The following GALK2 variants were observed in gnomAD, a reference collection of about 807,000 sequenced individuals.
The protein encoded by GALK2 is galactokinase 2.
GALK2 carries 36 observed loss-of-function variants against 52.4 expected under a neutral mutation model. The observed-to-expected ratio is 0.69, with a 90% CI of 0.53 to 0.91. The LOEUF (loss-of-function observed/expected upper bound fraction) is 0.91. Among genes scored for constraint, GALK2 ranks in the 40% least tolerant of loss-of-function variants. GALK2 has a pLI of 0.00. For missense variants in GALK2, 579 were observed against 559.1 expected (o/e 1.04, Z -0.36); for synonymous variants, 176 against 199.1 (o/e 0.88, Z 0.98).
chr15:49,367,589 C>G, exon 4 of GALK2: 1 of 1,596,252 alleles, frequency 6.3e-7, no homozygotes, highest in Non-Finnish European at 8.5e-7. Flanking sequence ...AAACTCTGGA[C>G]CAGTACTACT....
chr15:49,362,369 G>GT (rs2044389023), intron 3 of GALK2, among the ~76,000 whole-genome samples: 1 of 152,144 alleles, frequency 6.6e-6, no homozygotes, highest in Non-Finnish European at 1.5e-5. Context: ...TGCTGTGATT[G>GT]TAAGTTTCCT....
intron 2 of GALK2, among the ~76,000 whole-genome samples, chr15:49,208,086 C>T (rs754886974): frequency 5.9e-5 from 9 of 152,140 alleles, no homozygotes; most frequent in Non-Finnish European, 7.4e-5. Flanking sequence ...TTTATCTTTT[C>T]AAAGACCCAT....
At chr15:49,228,185 A>G (rs548021065) in intron 3 of GALK2, among the ~76,000 whole-genome samples, 1 of 152,234 alleles carries the variant, frequency 6.6e-6, no homozygotes, top group Admixed American at 6.5e-5. Flanking sequence ...CTTTGCTATA[A>G]TGTGCCATGG....
chr15:49,174,200 C>A (rs532743881), intron 1 of GALK2, among the ~76,000 whole-genome samples: 47 of 152,204 alleles, frequency 3.1e-4, no homozygotes, highest in African/African-American at 1.1e-3. Flanking sequence ...TATATATATT[C>A]TCTGAGCATT....
At chr15:49,352,285 CA>C in intron 3 of GALK2, among the ~76,000 whole-genome samples, 1 of 152,322 alleles carries the variant, frequency 6.6e-6, no homozygotes, top group Non-Finnish European at 1.5e-5. Flanking sequence ...TGAGGAATTA[CA>C]AAAGACTGTT....
chr15:49,283,504 A>G, intron 6 of GALK2, 62 bp from the exon 7 acceptor site: 1 of 1,400,752 alleles, frequency 7.1e-7, no homozygotes, highest in East Asian at 2.3e-5. Context: ...AAATACATAA[A>G]CACTTGAACA....
chr15:49,281,578 T>G (rs536883788), intron 5 of GALK2, among the ~76,000 whole-genome samples: 10 of 152,150 alleles, frequency 6.6e-5, no homozygotes, highest in Non-Finnish European at 1.3e-4. Context: ...GACCCCACTT[T>G]GGTTATGGGT....
At position 49,292,360 on chromosome 15, in the gene GALK2, A is replaced by G. The variant is rs1485117351; in HGVS notation, c.790A>G (p.Lys264Glu). The G allele has an allele frequency of 3.1e-6, 5 of 1,614,128 alleles. No homozygotes were observed. The highest frequency in any genetic ancestry group is 4.2e-6 in the Non-Finnish European group (5 of 1,179,982). Residue 264 changes from lysine (K) to glutamate (E), a missense_variant, in exon 8 of 10, where the codon AAA becomes GAA. Transcript: ENST00000560031. ...TAAATACAAAAGCTTGCAATGGGAC[A>G]AAGTACTGAGGCTGGAGGAGGTGCA... ...LAKYKSLQWD[K>E]VLRLEEVQAK...
rs2030549372 is a variant in GALK2 at position 49,271,277 on chromosome 15, C to G, written c.505-10710C>G. ...GGCTCCTGCCTCCTGTTGGCTTTCC[C>G]CAACAACTTTTTTTTAGGCAGTTTT... On this transcript the variant is annotated intron_variant, in intron 5 of 9. Transcript: ENST00000560031. 3.9e-5 allele frequency among the ~76,000 whole-genome samples: 6 copies of G among 152,256 alleles called. No individual in the cohort carries two copies. In the South Asian group the frequency reaches 1.2e-3, roughly 32 times the overall value.
intron 4 of GALK2, 87 bp downstream of exon 4, chr15:49,236,028 T>A: frequency 1.2e-6 from 1 of 839,974 alleles, no homozygotes; most frequent in South Asian, 1.5e-5. Flanking sequence ...ATCTTTTTCA[T>A]CTCCTTACAG....
intron 3 of GALK2, among the ~76,000 whole-genome samples, chr15:49,232,400 T>G (rs892439587): frequency 4.6e-5 from 7 of 152,214 alleles, no homozygotes; most frequent in African/African-American, 1.7e-4. Flanking sequence ...TAGACCTACA[T>G]GCCTGTGATG....
At chr15:49,303,475 TG>T (rs772797975) in intron 8 of GALK2, among the ~76,000 whole-genome samples, 2 of 152,228 alleles carry the variant, frequency 1.3e-5, no homozygotes, top group Non-Finnish European at 2.9e-5. Context: ...ACCATGGTTC[TG>T]GCTTCTGAGG....
At chr15:49,298,196 G>A (rs573744615) in intron 8 of GALK2, among the ~76,000 whole-genome samples, 9 of 152,102 alleles carry the variant, frequency 5.9e-5, no homozygotes, top group Non-Finnish European at 4.4e-5. Flanking sequence ...ATGGTATTGT[G>A]TTTTTGATTT....
chr15:49,163,702 C>T (rs2084728231), intron 1 of GALK2, among the ~76,000 whole-genome samples: 1 of 152,142 alleles, frequency 6.6e-6, no homozygotes. Flanking sequence ...CCTTGTATTA[C>T]AATTATTTCC....
At chr15:49,293,091 A>G (rs916478195) in intron 8 of GALK2, among the ~76,000 whole-genome samples, 1 of 152,196 alleles carries the variant, frequency 6.6e-6, no homozygotes, top group African/African-American at 2.4e-5. Flanking sequence ...ACTAGAGGTT[A>G]TCTATTTGTG....
chr15:49,299,709 G>GCTTGCTTTCTTTCTTTCTTTCTTTCTTT lies in GALK2; in HGVS notation c.967+7175_967+7176insGCTTTCTTTCTTTCTTTCTTTCTTTCTT, dbSNP rs2034799400. ...GGTTTTGAGAGATCTTCTTGGTATT[G>GCTTGCTTTCTTTCTTTCTTTCTTTCTTT]CTTTCTTTCTTTCTTTCTTTCTTTC... On this transcript the variant is annotated intron_variant, in intron 8 of 9. Transcript: ENST00000560031. 4.7e-4 allele frequency among the ~76,000 whole-genome samples: 40 copies of GCTTGCTTTCTTTCTTTCTTTCTTTCTTT among 85,240 alleles called. No homozygotes were observed. In the South Asian group the frequency reaches 7.1e-3, roughly 15 times the overall value. 55.9% of individuals were successfully genotyped at this position (85,240 alleles called of 152,430 possible). A position where few individuals can be genotyped will look rare whatever the true frequency, so the allele number is the denominator to read the frequency against.
rs1232628171 is a variant in GALK2 at position 49,292,459 on chromosome 15, C to A, written c.889C>A (p.Pro297Thr). The A allele has an allele frequency of 3.1e-6, 5 of 1,613,976 alleles. No homozygotes were observed. The highest frequency in any genetic ancestry group is 1.1e-5 in the South Asian group (1 of 91,078). ...TGCCCTTCATCCTGAACCCTATAAC[C>A]CTGAGGAGATCTGCAGGTGTCTGGG... ...EDALHPEPYN[P>T]EEICRCLGIS... The change falls in exon 8 of 10, where the codon CCT becomes ACT. Residue 297 changes from proline (P) to threonine (T), a missense_variant. By Grantham distance (38) the Pro-to-Thr change is conservative. Transcript: ENST00000560031.
chr15:49,261,796 A>G (rs1353173197), intron 5 of GALK2, among the ~76,000 whole-genome samples: 2 of 152,184 alleles, frequency 1.3e-5, no homozygotes, highest in East Asian at 3.9e-4. Flanking sequence ...GAATTTTGTC[A>G]AAGGCTTTTT....
At chr15:49,291,389 G>A (rs2141819800) in intron 7 of GALK2, among the ~76,000 whole-genome samples, 1 of 152,176 alleles carries the variant, frequency 6.6e-6, no homozygotes, top group Middle Eastern at 3.4e-3. Flanking sequence ...TAGTCTTTTG[G>A]TAAACCCCGC....
Sources: gnomAD v4.1 joint callset for allele counts (sites outside exome capture counted in the v4.1 genomes callset) on GRCh38, gnomAD v4.1.1 for gene constraint, MANE v1.5 for transcripts, NCBI Gene and HGNC (gene_info 2026-07-23, HGNC 2026-07-21) for gene names.